The following SEC63 variants were observed in gnomAD, a reference collection of about 807,000 sequenced individuals.
The protein encoded by SEC63 is translocation protein SEC63 homolog.
A neutral mutation model predicts 116.2 loss-of-function variants in SEC63; 56 were observed. The observed-to-expected ratio is 0.48, with a 90% CI of 0.39 to 0.60. The LOEUF (loss-of-function observed/expected upper bound fraction) is 0.60. Among genes scored for constraint, SEC63 ranks in the 20% least tolerant of loss-of-function variants. SEC63 has a pLI of 0.00. For synonymous variants in SEC63, 273 were observed against 294.6 expected, an observed-to-expected ratio of 0.93 and a Z score of 0.75; for missense variants, 668 against 900.0, an observed-to-expected ratio of 0.74 and a Z score of 3.30.
intron 17 of SEC63, among the ~76,000 whole-genome samples, chr6:107,882,152 G>A (rs914524083): frequency 1.3e-5 from 2 of 152,168 alleles, no homozygotes; most frequent in African/African-American, 2.4e-5. Flanking sequence ...CCAAGGACAA[G>A]TGTGTTATTA....
intron 1 of SEC63, among the ~76,000 whole-genome samples, chr6:107,947,272 G>A (rs1206147507): frequency 2.6e-5 from 4 of 152,108 alleles, no homozygotes; most frequent in African/African-American, 7.2e-5. Flanking sequence ...ACTCCAGCCT[G>A]GGTGACAGAG....
intron 4 of SEC63, among the ~76,000 whole-genome samples, chr6:107,914,974 T>C (rs1279614775): frequency 6.6e-6 from 1 of 152,166 alleles, no homozygotes; most frequent in East Asian, 1.9e-4. Context: ...CTTCTACAAC[T>C]GCTGTGTGAT....
chr6:107,872,949 T>C (rs762007325), intron 19 of SEC63, 37 bp from the exon 20 acceptor site: 9 of 1,355,584 alleles, frequency 6.6e-6, no homozygotes, highest in South Asian at 2.5e-5. Flanking sequence ...ATCTGTATTA[T>C]GGGGAGGAAA....
Position 107,868,079 on chromosome 6 carries a change from T to A in SEC63, c.*3625A>T, listed in dbSNP as rs1055437925. 17 of 151,918 alleles carry A rather than the reference T, an allele frequency of 1.1e-4. No homozygotes were observed. Among genetic ancestry groups the A allele is most frequent in the African/African-American group, 4.1e-4 (17 of 41,406 alleles). The allele number at this position is 151,918 out of a possible 1,614,324, so 9.4% of individuals were successfully genotyped here. A position where few individuals can be genotyped will look rare whatever the true frequency, so the allele number is the denominator to read the frequency against. On this transcript the variant is annotated 3_prime_UTR_variant, in exon 21 of 21. Coordinates refer to ENST00000369002, the MANE Select transcript of SEC63 (RefSeq NM_007214.5). The stretch of plus-strand genomic sequence containing the variant: ...AGTTTAAATGGATGAGAATGCTTGG[T>A]GCTAACTTCTTGAGACATATTTGGA...
chr6:107,902,222 A>G (rs1787021357), intron 12 of SEC63, among the ~76,000 whole-genome samples: 1 of 152,150 alleles, frequency 6.6e-6, no homozygotes, highest in Non-Finnish European at 1.5e-5. Flanking sequence ...AAGGACAGAG[A>G]ACTCTGATAC....
chr6:107,952,297 AT>A (rs1770596943), intron 1 of SEC63, among the ~76,000 whole-genome samples: 1 of 152,132 alleles, frequency 6.6e-6, no homozygotes, highest in African/African-American at 2.4e-5. Flanking sequence ...AACTATTTCC[AT>A]TTTTCAAACC....
chr6:107,931,638 A>T (rs936793810), intron 1 of SEC63, among the ~76,000 whole-genome samples: 3 of 151,256 alleles, frequency 2.0e-5, no homozygotes, highest in African/African-American at 7.3e-5. Flanking sequence ...AGTCCCAGCT[A>T]CTCGGGAGGC....
chr6:107,894,803 T>C (rs1285345434), intron 14 of SEC63, among the ~76,000 whole-genome samples: 1 of 151,870 alleles, frequency 6.6e-6, no homozygotes, highest in African/African-American at 2.4e-5. Flanking sequence ...GTGGTCTTGT[T>C]ATGTTGCCCA....
intron 1 of SEC63, among the ~76,000 whole-genome samples, chr6:107,952,891 A>AC (rs1253006273): frequency 6.6e-6 from 1 of 152,356 alleles, no homozygotes; most frequent in African/African-American, 2.4e-5. Flanking sequence ...ACGCATGCCT[A>AC]CATTTTTGTA....
At chr6:107,933,371 A>G (rs1166356210) in intron 1 of SEC63, among the ~76,000 whole-genome samples, 3 of 152,228 alleles carry the variant, frequency 2.0e-5, no homozygotes, top group Non-Finnish European at 4.4e-5. Context: ...TACAGCAGCA[A>G]CAGGAAACAA....
At chr6:107,888,742 C>T (rs1252676694) in intron 16 of SEC63, among the ~76,000 whole-genome samples, 2 of 151,968 alleles carry the variant, frequency 1.3e-5, no homozygotes, top group African/African-American at 4.8e-5. Context: ...TCATAAATAG[C>T]TCTTATTTTG....
intron 16 of SEC63, among the ~76,000 whole-genome samples, chr6:107,889,720 T>C (rs962177901): frequency 2.0e-5 from 3 of 152,230 alleles, no homozygotes; most frequent in Non-Finnish European, 4.4e-5. Flanking sequence ...AGGCATTTAG[T>C]GATATAAATT....
In SEC63 at chr6:107,871,620, T is replaced by A; in HGVS notation, c.*84A>T. ...TACACCTCCCTCAACATCAGTTCTG[T>A]ACTGTTTCTGGTTTATGATACACTT... On this transcript the variant is annotated 3_prime_UTR_variant, in exon 21 of 21. Coordinates refer to ENST00000369002, the MANE Select transcript of SEC63 (RefSeq NM_007214.5). 7.7e-7 allele frequency: 1 copy of A among 1,301,274 alleles called. No individual in the cohort carries two copies. 80.6% of individuals were successfully genotyped at this position (1,301,274 alleles called of 1,614,324 possible). A position where few individuals can be genotyped will look rare whatever the true frequency, so the allele number is the denominator to read the frequency against.
chr6:107,933,108 AC>A (rs772296618), intron 1 of SEC63, among the ~76,000 whole-genome samples: 2 of 152,194 alleles, frequency 1.3e-5, no homozygotes, highest in Non-Finnish European at 2.9e-5. Context: ...TGGTAATGTG[AC>A]AACGGAAGCA....
intron 13 of SEC63, 24 bp from the exon 14 acceptor site, chr6:107,897,755 C>A (rs778556925): frequency 2.0e-6 from 3 of 1,499,020 alleles, no homozygotes; most frequent in Non-Finnish European, 2.8e-6. Flanking sequence ...AGAAAAAAAA[C>A]AGCAAAAAAT....
intron 18 of SEC63, 75 bp from the exon 19 acceptor site, chr6:107,876,737 G>T: frequency 9.7e-7 from 1 of 1,035,020 alleles, no homozygotes; most frequent in Non-Finnish European, 1.5e-6. Flanking sequence ...ATATAATTTT[G>T]GCCTCTCTTA....
chr6:107,919,713 T>G (rs565065050), intron 4 of SEC63, among the ~76,000 whole-genome samples: 1 of 151,828 alleles, frequency 6.6e-6, no homozygotes, highest in South Asian at 2.1e-4. Flanking sequence ...TCCCAGCTAC[T>G]CGGGAGGCTG....
intron 1 of SEC63, 107 bp downstream of exon 1, chr6:107,957,779 T>C (rs950767314): frequency 4.9e-6 from 6 of 1,222,370 alleles, no homozygotes; most frequent in East Asian, 3.4e-5. Context: ...GCACCGTCCC[T>C]GTCATCCCGG....
intron 8 of SEC63, 26 bp from the exon 9 acceptor site, chr6:107,906,803 G>A (rs749286452): frequency 2.0e-6 from 3 of 1,522,622 alleles, no homozygotes; most frequent in East Asian, 2.3e-5. Flanking sequence ...AAATATGAAG[G>A]TAAATAAATA....
Sources: allele counts gnomAD v4.1 joint callset (sites outside exome capture counted in the v4.1 genomes callset), GRCh38; gene constraint gnomAD v4.1.1; transcripts MANE v1.5; gene names NCBI Gene and HGNC (gene_info 2026-07-23, HGNC 2026-07-21).